MTMR2: variants seen among roughly 807,000 people sequenced by gnomAD.
The protein encoded by MTMR2 is phosphatidylinositol-3,5-bisphosphate 3-phosphatase MTMR2.
Under a neutral mutation model 86.9 loss-of-function variants are expected in MTMR2, and 55 were observed. That is an observed-to-expected ratio of 0.63 (90% CI 0.51 to 0.79). The LOEUF is 0.79. Ranked by LOEUF, MTMR2 falls within the 30% of genes least tolerant of loss-of-function variation. MTMR2 has a pLI of 0.00. For missense variants in MTMR2, 659 were observed against 772.3 expected (o/e 0.85, Z 1.74); for synonymous variants, 241 against 266.8 (o/e 0.90, Z 0.94).
chr11:95,869,842 C>G (rs1051757924), intron 2 of MTMR2, among the ~76,000 whole-genome samples: 2 of 141,346 alleles, frequency 1.4e-5, no homozygotes, highest in Non-Finnish European at 3.0e-5. Flanking sequence ...AATTCTGCAA[C>G]AGACTAAACT....
Position 95,888,228 on chromosome 11 carries a change from A to G in MTMR2, c.114T>C (p.His38=), listed in dbSNP as rs953059183. 4.3e-6 allele frequency: 7 copies of G among 1,613,608 alleles called. No homozygotes were observed. The highest frequency in any genetic ancestry group is 4.2e-6 in the Non-Finnish European group (5 of 1,179,684). Residue 38 remains histidine, a synonymous_variant, in exon 2 of 15, where the codon CAT becomes CAC. Transcript: ENST00000346299. The stretch of plus-strand genomic sequence containing the variant: ...ATGATACAACAGAAGCTGATTTTGT[A>G]TGCACTGAATTCTCTGAATGAGAAG... The part of the protein sequence containing the change: ...ASTSHSENSV[H]TKSASVVSSD...
chr11:95,913,027 A>C (rs560548667), intron 1 of MTMR2: 2 of 152,280 alleles, frequency 1.3e-5, no homozygotes, highest in Admixed American at 1.3e-4. Flanking sequence ...ATACAAAAAA[A>C]AGTTTTTTCT....
chr11:95,865,782 A>C (rs1864592852), intron 2 of MTMR2, 106 bp from the exon 3 acceptor site: 3 of 852,574 alleles, frequency 3.5e-6, no homozygotes, highest in Non-Finnish European at 5.9e-6. Context: ...ACATCATATC[A>C]CATACACTAT....
chr11:95,857,938 T>A (rs553132982), intron 6 of MTMR2, among the ~76,000 whole-genome samples: 16 of 152,256 alleles, frequency 1.1e-4, no homozygotes, highest in Non-Finnish European at 2.1e-4. Context: ...AATAAAGACA[T>A]TACATTTAAA....
At chr11:95,896,902 TAA>T (rs777931000) in intron 1 of MTMR2, among the ~76,000 whole-genome samples, 7 of 129,848 alleles carry the variant, frequency 5.4e-5, no homozygotes, top group Non-Finnish European at 8.3e-5. Flanking sequence ...TGACAATCTT[TAA>T]AAAAAAAAAA....
chr11:95,837,618 T>G (rs777625133), intron 13 of MTMR2, among the ~76,000 whole-genome samples: 1 of 152,048 alleles, frequency 6.6e-6, no homozygotes, highest in Non-Finnish European at 1.5e-5. Context: ...CATACTATCT[T>G]TTCCGTATTT....
intron 6 of MTMR2, 87 bp from the exon 7 acceptor site, chr11:95,857,722 CATTT>C (rs552590652): frequency 6.1e-6 from 5 of 823,300 alleles, no homozygotes; most frequent in South Asian, 1.5e-5. Flanking sequence ...CCAAAGTTTT[CATTT>C]ATTTATCTGC....
At position 95,847,874 on chromosome 11, in the gene MTMR2, T is replaced by G. The variant is rs200384340; in HGVS notation, c.1019A>C (p.Glu340Ala). The change falls in exon 10 of 15, where the codon GAA (glutamate) becomes GCA (alanine). Residue 340 changes from glutamate to alanine, a missense_variant. This residue lies in a region of MTMR2 where 387 missense variants were observed against 526.3 expected (regional missense o/e 0.74). Coordinates refer to ENST00000346299, the MANE Select transcript of MTMR2 (RefSeq NM_016156.6). Reference sequence around the variant, plus strand: ...TAGTTCAGCATTTTGATAGGCATCTTCACTTTCATAACCTCCACCCTTTGC... The same window carrying G: ...TAGTTCAGCATTTTGATAGGCATCTGCACTTTCATAACCTCCACCCTTTGC... The part of the protein sequence containing the change: ...NKAKGGGYES[E>A]DAYQNAELVF... 1 of 1,613,766 alleles carries G rather than the reference T, an allele frequency of 6.2e-7. No homozygotes were observed. Among genetic ancestry groups the G allele is most frequent in the East Asian group, 2.2e-5 (1 of 44,830 alleles).
chr11:95,868,034 G>A (rs1047097040), intron 2 of MTMR2, among the ~76,000 whole-genome samples: 1 of 151,944 alleles, frequency 6.6e-6, no homozygotes, highest in African/African-American at 2.4e-5. Context: ...AGGAGGCCGA[G>A]GCGAGTGGAC....
At position 95,838,148 on chromosome 11, in the gene MTMR2, G is replaced by A; in HGVS notation, c.1539C>T (p.Tyr513=). 1 of 1,611,742 alleles carries A rather than the reference G, an allele frequency of 6.2e-7. No individual in the cohort carries two copies. Residue 513 remains tyrosine, a synonymous_variant, in exon 13 of 15, where the codon TAC becomes TAT. Coordinates refer to ENST00000346299, the MANE Select transcript of MTMR2 (RefSeq NM_016156.6). The part of the protein sequence containing the change: ...YFLITILDHL[Y]SCLFGTFLCN... Reference sequence around the variant, plus strand: ...AGAGGAATGTTCCGAATAAGCAGCTGTATAGGTGGTCCAAAATGGTAATGA... The same window carrying A: ...AGAGGAATGTTCCGAATAAGCAGCTATATAGGTGGTCCAAAATGGTAATGA...
chr11:95,858,738 G>T, intron 5 of MTMR2, 106 bp from the exon 6 acceptor site: 3 of 773,244 alleles, frequency 3.9e-6, no homozygotes, highest in East Asian at 2.6e-5. Context: ...CTGTGAATGT[G>T]GGATACAAAA....
Position 95,859,673 on chromosome 11 carries a change from T to A in MTMR2, c.469-1041A>T, listed in dbSNP as rs1042184404. On this transcript the variant is annotated intron_variant, in intron 5 of 14. Coordinates refer to ENST00000346299, the MANE Select transcript of MTMR2 (RefSeq NM_016156.6). ...GACCTTGTCTCTACAAAAAATTTTT[T>A]AAAAAAAATTTATAAGAAAAGAATA... Among the ~76,000 whole-genome samples, 18 of 152,222 alleles carry A rather than the reference T, an allele frequency of 1.2e-4. 1 individual carries two copies. Among genetic ancestry groups the A allele is most frequent in the East Asian group, 3.9e-4 (2 of 5,176 alleles).
intron 10 of MTMR2, among the ~76,000 whole-genome samples, chr11:95,846,632 T>C (rs1331744948): frequency 1.3e-5 from 2 of 152,176 alleles, no homozygotes; most frequent in African/African-American, 4.8e-5. Flanking sequence ...ATATGTCTTA[T>C]AACTCTAGGG....
At chr11:95,870,617 T>C (rs1020672628) in intron 2 of MTMR2, among the ~76,000 whole-genome samples, 1 of 151,182 alleles carries the variant, frequency 6.6e-6, no homozygotes, top group South Asian at 2.1e-4. Context: ...ATGTCAGCAA[T>C]GGGAGAAGAG....
intron 6 of MTMR2, among the ~76,000 whole-genome samples, 157 bp downstream of exon 6, chr11:95,858,373 GA>G (rs986293367): frequency 2.0e-5 from 3 of 152,118 alleles, no homozygotes; most frequent in African/African-American, 7.2e-5. Flanking sequence ...CATACCTAAA[GA>G]AATTGATCTA....
chr11:95,888,054 A>C, intron 2 of MTMR2, 102 bp downstream of exon 2: 1 of 859,650 alleles, frequency 1.2e-6, no homozygotes, highest in Non-Finnish European at 1.9e-6. Flanking sequence ...ATCTATGAGA[A>C]TACTCCATCA....
Position 95,834,942 on chromosome 11 carries a change from A to G in MTMR2, c.*348T>C. 1 of 326,008 alleles carries G rather than the reference A, an allele frequency of 3.1e-6. No homozygotes were observed. Among genetic ancestry groups the G allele is most frequent in the South Asian group, 2.9e-5 (1 of 34,726 alleles). The allele number at this position is 326,008 out of a possible 1,614,324, so 20.2% of individuals were successfully genotyped here. Reference sequence around the variant, plus strand: ...TGATGTTCCTCTGCACAGTGAGCACAGAGTGTATTTCTAAAATGGTTTTAA... The same window carrying G: ...TGATGTTCCTCTGCACAGTGAGCACGGAGTGTATTTCTAAAATGGTTTTAA... On this transcript the variant is annotated 3_prime_UTR_variant, in exon 15 of 15. Transcript: ENST00000346299.
chr11:95,875,079 G>A (rs1388420480), intron 2 of MTMR2, among the ~76,000 whole-genome samples: 2 of 152,110 alleles, frequency 1.3e-5, no homozygotes, highest in East Asian at 1.9e-4. Context: ...GTGTCTTGGA[G>A]TTGCTCTTCT....
intron 1 of MTMR2, among the ~76,000 whole-genome samples, chr11:95,904,332 C>T (rs1379551137): frequency 6.6e-6 from 1 of 152,128 alleles, no homozygotes; most frequent in Non-Finnish European, 1.5e-5. Context: ...CTTCATTTCT[C>T]TGAGCTTCTT....
Sources: gnomAD v4.1 joint callset for allele counts (sites outside exome capture counted in the v4.1 genomes callset) on GRCh38, gnomAD v4.1.1 for gene constraint, gnomAD v4.1.1 regional missense constraint, MANE v1.5 for transcripts, NCBI Gene and HGNC (gene_info 2026-07-23, HGNC 2026-07-21) for gene names.